Variants in CFDP1 observed in about 807,000 individuals in gnomAD.
CFDP1 encodes chromatin remodeling protein CFDP1.
A neutral mutation model predicts 40.1 loss-of-function variants in CFDP1; 31 were observed. The ratio of observed to expected loss-of-function variants is 0.77; its 90% CI spans 0.58 to 1.04. The LOEUF (loss-of-function observed/expected upper bound fraction) is 1.04, where lower values mean the gene tolerates loss of function less well. Ranked by LOEUF, CFDP1 falls within the 50% of genes least tolerant of loss-of-function variation. The probability of loss-of-function intolerance (pLI) is 0.00; values close to 1 mark genes in which losing one functional copy is unlikely to be tolerated. For synonymous variants in CFDP1, 167 were observed against 120.0 expected, an observed-to-expected ratio of 1.39 and a Z score of -2.56; for missense variants, 423 against 343.4, an observed-to-expected ratio of 1.23 and a Z score of -1.83.
At position 75,317,839 on chromosome 16, in the gene CFDP1, G is replaced by C. The variant is rs143440300; in HGVS notation, c.651-12657C>G. 6.5e-3 allele frequency among the ~76,000 whole-genome samples: 988 copies of C among 152,180 alleles called. 8 individuals carry two copies. The highest frequency in any genetic ancestry group is 0.017 in the Middle Eastern group (5 of 294). ...AAAAGTCAATGACCTGGCCAGGTGTGGTAGCTCACCCCTGTAATCCCAGCA... is the reference window on the plus strand; with the variant it reads ...AAAAGTCAATGACCTGGCCAGGTGTCGTAGCTCACCCCTGTAATCCCAGCA... On this transcript the variant is annotated intron_variant, in intron 5 of 6. Transcript: ENST00000283882.
intron 5 of CFDP1, among the ~76,000 whole-genome samples, chr16:75,383,603 G>A (rs1310643847): frequency 1.3e-5 from 2 of 151,902 alleles, no homozygotes; most frequent in African/African-American, 2.4e-5. Flanking sequence ...GGCGGATCAT[G>A]AGGTCAAGTG....
chr16:75,328,523 C>T (rs1341174320), intron 5 of CFDP1, among the ~76,000 whole-genome samples: 18 of 140,474 alleles, frequency 1.3e-4, no homozygotes, highest in Non-Finnish European at 2.0e-4. Context: ...CGCTTGAACC[C>T]GGGAGGCGGA....
intron 1 of CFDP1, among the ~76,000 whole-genome samples, chr16:75,431,454 C>CAAAA (rs60902612): frequency 0.16 from 9,244 of 59,254 alleles, 870 homozygotes; most frequent in Middle Eastern, 0.26. Context: ...ACTCTTGTCT[C>CAAAA]AAAAAAAAAA....
At chr16:75,338,676 C>T (rs1340737900) in intron 5 of CFDP1, among the ~76,000 whole-genome samples, 1 of 152,146 alleles carries the variant, frequency 6.6e-6, no homozygotes, top group African/African-American at 2.4e-5. Context: ...TGATCCCCCC[C>T]TTTCATTTTT....
intron 5 of CFDP1, among the ~76,000 whole-genome samples, chr16:75,327,827 G>A (rs1323104921): frequency 2.0e-5 from 3 of 152,080 alleles, no homozygotes; most frequent in Non-Finnish European, 2.9e-5. Context: ...GGGTTCAAGC[G>A]ATTCTCCTGC....
At chr16:75,414,845 C>T (rs2079191091) in intron 1 of CFDP1, 150 bp from the exon 2 acceptor site, 11 of 610,986 alleles carry the variant, frequency 1.8e-5, no homozygotes, top group Middle Eastern at 8.9e-4. Context: ...AACATCATTT[C>T]CTTGGGGAAG....
At chr16:75,322,261 C>A (rs541857766) in intron 5 of CFDP1, among the ~76,000 whole-genome samples, 1 of 152,248 alleles carries the variant, frequency 6.6e-6, no homozygotes, top group Non-Finnish European at 1.5e-5. Context: ...ATATCACCAA[C>A]ACTATTTCGG....
intron 5 of CFDP1, among the ~76,000 whole-genome samples, chr16:75,331,503 T>C (rs2078445698): frequency 6.6e-6 from 1 of 152,174 alleles, no homozygotes; most frequent in Non-Finnish European, 1.5e-5. Context: ...ACAGTCAAAA[T>C]ATAGAACATT....
At chr16:75,320,615 G>C (rs757414618) in intron 5 of CFDP1, among the ~76,000 whole-genome samples, 20 of 152,186 alleles carry the variant, frequency 1.3e-4, no homozygotes, top group Non-Finnish European at 2.8e-4. Context: ...CTGTGAGAGT[G>C]TGTGATTGAC....
chr16:75,335,254 T>TA (rs929095013), intron 5 of CFDP1, among the ~76,000 whole-genome samples: 2 of 152,200 alleles, frequency 1.3e-5, no homozygotes, highest in Non-Finnish European at 2.9e-5. Flanking sequence ...TATGACATAG[T>TA]AACTTGTTAG....
intron 5 of CFDP1, among the ~76,000 whole-genome samples, chr16:75,358,562 G>A (rs1186452854): frequency 2.6e-5 from 4 of 152,052 alleles, no homozygotes; most frequent in Non-Finnish European, 5.9e-5. Flanking sequence ...CTTCTGCCAA[G>A]AGTGGGAGTC....
intron 1 of CFDP1, among the ~76,000 whole-genome samples, chr16:75,425,418 T>A (rs1473919661): frequency 4.2e-5 from 6 of 141,610 alleles, no homozygotes; most frequent in South Asian, 2.2e-4. Context: ...AAAAACTATA[T>A]GGAAAGGCAA....
chr16:75,401,528 AG>A (rs1373908689), intron 4 of CFDP1, among the ~76,000 whole-genome samples: 2 of 151,704 alleles, frequency 1.3e-5, no homozygotes, highest in Admixed American at 1.3e-4. Flanking sequence ...TGAACCCAGG[AG>A]GCAGAGGTTT....
At chr16:75,397,613 C>G (rs184400533) in intron 4 of CFDP1, among the ~76,000 whole-genome samples, 114 of 152,042 alleles carry the variant, frequency 7.5e-4, no homozygotes, top group African/African-American at 2.7e-3. Flanking sequence ...CCAGCCAGGC[C>G]AACATGGTGA....
chr16:75,310,878 T>C (rs571068724), intron 5 of CFDP1, among the ~76,000 whole-genome samples: 3 of 152,326 alleles, frequency 2.0e-5, no homozygotes, highest in Non-Finnish European at 2.9e-5. Flanking sequence ...TTTCACAGAA[T>C]AGAATTTTAG....
intron 5 of CFDP1, among the ~76,000 whole-genome samples, chr16:75,326,778 C>T (rs1268167716): frequency 6.6e-6 from 1 of 152,200 alleles, no homozygotes; most frequent in East Asian, 1.9e-4. Flanking sequence ...TTTCTCAACA[C>T]TAGAAGCTAG....
At chr16:75,397,799 G>A (rs1305247624) in intron 4 of CFDP1, among the ~76,000 whole-genome samples, 5 of 151,880 alleles carry the variant, frequency 3.3e-5, no homozygotes, top group South Asian at 4.1e-4. Context: ...GCGAGACTCC[G>A]TCTCAAAAAA....
intron 5 of CFDP1, among the ~76,000 whole-genome samples, chr16:75,384,258 A>G (rs796503244): frequency 6.6e-6 from 1 of 151,920 alleles, no homozygotes; most frequent in Non-Finnish European, 1.5e-5. Flanking sequence ...TTGGGAGGCT[A>G]AGGCAGGAGA....
intron 5 of CFDP1, among the ~76,000 whole-genome samples, chr16:75,338,574 G>C (rs529577345): frequency 2.5e-4 from 38 of 152,330 alleles, no homozygotes; most frequent in Non-Finnish European, 5.3e-4. Context: ...TGCGTCTAGT[G>C]ATGTCACTGC....
Sources: gnomAD v4.1 joint callset for allele counts (sites outside exome capture counted in the v4.1 genomes callset) on GRCh38, gnomAD v4.1.1 for gene constraint, MANE v1.5 for transcripts, NCBI Gene and HGNC (gene_info 2026-07-23, HGNC 2026-07-21) for gene names.